The following TTC23 variants were observed in gnomAD, a reference collection of about 807,000 sequenced individuals.
TTC23 encodes tetratricopeptide repeat domain 23, also known as tetratricopeptide repeat protein 23.
In TTC23, 58 loss-of-function variants were observed where a neutral mutation model predicts 55.1. The ratio of observed to expected loss-of-function variants is 1.05; its 90% CI spans 0.85 to 1.31. TTC23 has a LOEUF of 1.31. Among genes scored for constraint, TTC23 ranks in the 50% most tolerant of loss-of-function variants. The pLI, the probability that TTC23 is intolerant of heterozygous loss-of-function variation, is 0.00. For synonymous variants in TTC23, 203 were observed against 199.9 expected, an observed-to-expected ratio of 1.02 and a Z score of -0.13; for missense variants, 516 against 534.4, an observed-to-expected ratio of 0.97 and a Z score of 0.34.
intron 1 of TTC23, among the ~76,000 whole-genome samples, chr15:99,248,884 T>C (rs1222735627): frequency 1.3e-5 from 2 of 152,182 alleles, no homozygotes; most frequent in African/African-American, 4.8e-5. Context: ...CTGCTTCAGG[T>C]ATCTGTAGTA....
intron 5 of TTC23, among the ~76,000 whole-genome samples, chr15:99,225,260 T>C (rs1240218430): frequency 6.6e-6 from 1 of 152,204 alleles, no homozygotes; most frequent in East Asian, 1.9e-4. Context: ...CTATTGGTTT[T>C]CCAACCTTTA....
intron 8 of TTC23, among the ~76,000 whole-genome samples, chr15:99,203,198 A>T (rs1336853660): frequency 6.6e-6 from 1 of 152,214 alleles, no homozygotes; most frequent in African/African-American, 2.4e-5. Flanking sequence ...AAAAAACAGA[A>T]TAATGTATTA....
rs1481372157 is a variant in TTC23 at position 99,242,753 on chromosome 15, T to G, written c.-308-1194A>C. On this transcript the variant is annotated intron_variant, in intron 2 of 13. Transcript: ENST00000394132. Reference sequence around the variant, plus strand: ...CAAACCATCTGATCATCTTGATAGATGCAGAAAACACATTTGGCAAAATCC... The same window carrying G: ...CAAACCATCTGATCATCTTGATAGAGGCAGAAAACACATTTGGCAAAATCC... 2.6e-5 allele frequency among the ~76,000 whole-genome samples: 4 copies of G among 152,338 alleles called. No individual in the cohort carries two copies. In the East Asian group the frequency reaches 7.7e-4, roughly 29 times the overall value.
chr15:99,199,875 A>G, intron 9 of TTC23, 44 bp downstream of exon 9: 1 of 1,542,118 alleles, frequency 6.5e-7, no homozygotes, highest in Non-Finnish European at 8.7e-7. Flanking sequence ...TATGAAAAGC[A>G]TTGGGCCTAG....
Position 99,138,135 on chromosome 15 carries a change from C to T in TTC23, c.1227-8G>A, listed in dbSNP as rs782493207. ...GAAGCAACCTTGGGGGCCCTGCAGA[C>T]AAGCAGAGGGTGGGGTGAGTGTGGT... On this transcript the variant is annotated splice_polypyrimidine_tract_variant and splice_region_variant and intron_variant, in intron 13 of 13. Coordinates refer to ENST00000394132, the MANE Select transcript of TTC23 (RefSeq NM_001288615.3). The T allele has an allele frequency of 2.4e-5, 38 of 1,611,854 alleles. No individual in the cohort carries two copies. The highest frequency in any genetic ancestry group is 8.3e-5 in the Admixed American group (5 of 59,970).
chr15:99,211,650 T>G (rs1341972403), intron 8 of TTC23, among the ~76,000 whole-genome samples: 2 of 152,202 alleles, frequency 1.3e-5, no homozygotes, highest in Non-Finnish European at 2.9e-5. Context: ...TCTTTCTTGC[T>G]TTCTTGCTTC....
intron 2 of TTC23, among the ~76,000 whole-genome samples, chr15:99,243,802 A>G (rs952360509): frequency 2.6e-5 from 4 of 152,224 alleles, no homozygotes; most frequent in Non-Finnish European, 5.9e-5. Context: ...AGAGAGTAGA[A>G]TGATGATTAC....
chr15:99,207,271 T>C (rs1316384621), intron 8 of TTC23, among the ~76,000 whole-genome samples: 1 of 152,162 alleles, frequency 6.6e-6, no homozygotes, highest in Non-Finnish European at 1.5e-5. Flanking sequence ...CTGAAGTACA[T>C]ACAATATATG....
At chr15:99,150,570 T>G (rs1373037872) in intron 12 of TTC23, among the ~76,000 whole-genome samples, 1 of 152,236 alleles carries the variant, frequency 6.6e-6, no homozygotes, top group African/African-American at 2.4e-5. Flanking sequence ...AGCACATTTT[T>G]TGGGGCAATA....
At chr15:99,222,271 A>ATGTGTGTGTGTGTATGAGACAGGG (rs2078006082) in intron 5 of TTC23, among the ~76,000 whole-genome samples, 1 of 151,592 alleles carries the variant, frequency 6.6e-6, no homozygotes, top group Non-Finnish European at 1.5e-5. Flanking sequence ...GTGTGTGTGT[A>ATGTGTGTGTGTGTATGAGACAGGG]TGTGTGTGTG....
intron 9 of TTC23, among the ~76,000 whole-genome samples, chr15:99,195,614 G>C (rs1206667493): frequency 6.6e-6 from 1 of 152,082 alleles, no homozygotes; most frequent in Non-Finnish European, 1.5e-5. Context: ...GGATTTTTAG[G>C]GCAGTGAAGC....
At chr15:99,224,200 T>C (rs918745033) in intron 5 of TTC23, among the ~76,000 whole-genome samples, 2 of 152,224 alleles carry the variant, frequency 1.3e-5, no homozygotes, top group African/African-American at 4.8e-5. Context: ...TGGACTGTCA[T>C]ATTCTTTTCT....
rs777638133 is a variant in TTC23 at position 99,249,310 on chromosome 15, A to T, written c.-570T>A. 1.3e-5 allele frequency: 2 copies of T among 151,874 alleles called. No homozygotes were observed. Among genetic ancestry groups the T allele is most frequent in the Non-Finnish European group, 2.9e-5 (2 of 67,982 alleles). The allele number at this position is 151,874 out of a possible 1,614,324, so 9.4% of individuals were successfully genotyped here. ...TCTGCTTTTCCTTTGACACTCAATC[A>T]CTCCTTTAAAACTTGTAAAAAACCG... On this transcript the variant is annotated 5_prime_UTR_variant, in exon 1 of 14. Transcript: ENST00000394132.
rs1260170706 is a variant in TTC23 at position 99,149,301 on chromosome 15, G to A, written c.1143+6847C>T. On this transcript the variant is annotated intron_variant, in intron 12 of 13. Transcript: ENST00000394132. ...CACAGTGCACAACCTTCAGAAATACGAGTGCCCATCATTTCTCTTGGAGCC... is the reference window on the plus strand; with the variant it reads ...CACAGTGCACAACCTTCAGAAATACAAGTGCCCATCATTTCTCTTGGAGCC... 2.0e-5 allele frequency among the ~76,000 whole-genome samples: 3 copies of A among 152,184 alleles called. No homozygotes were observed. The East Asian group carries it at 5.8e-4, about 29-fold the overall frequency.
At position 99,234,698 on chromosome 15, in the gene TTC23, C is replaced by T. The variant is rs896898500; in HGVS notation, c.-21+290G>A. Among the ~76,000 whole-genome samples, 9 of 152,126 alleles carry T rather than the reference C, an allele frequency of 5.9e-5. No individual in the cohort carries two copies. The South Asian group carries it at 6.2e-4, about 11-fold the overall frequency. ...AAAATGGGCAATTTATTTTAACAGA[C>T]GCTTCATCAAAGAAGATATACCAAG... is the stretch of plus-strand genomic sequence containing the variant. On this transcript the variant is annotated intron_variant, in intron 4 of 13. Transcript: ENST00000394132.
Position 99,139,465 on chromosome 15 carries a change from T to A in TTC23, c.1144-66A>T, listed in dbSNP as rs782788379. 21 of 1,605,922 alleles carry A rather than the reference T, an allele frequency of 1.3e-5. No homozygotes were observed. The South Asian group carries it at 2.3e-4, about 18-fold the overall frequency. ...TCGCTGAGAGCAGGAAACTAAGGTC[T>A]CCCTTGAATGAGAGAAAGATGACCT... is the stretch of plus-strand genomic sequence containing the variant. On this transcript the variant is annotated intron_variant, in intron 12 of 13. Transcript: ENST00000394132.
Position 99,137,564 on chromosome 15 carries a change from T to C in TTC23, c.*446A>G, listed in dbSNP as rs2067690696. The C allele has an allele frequency of 1.3e-5, 2 of 153,554 alleles. No homozygotes were observed. Among genetic ancestry groups the C allele is most frequent in the Admixed American group, 1.3e-4 (2 of 15,472 alleles). 9.5% of individuals were successfully genotyped at this position (153,554 alleles called of 1,614,324 possible). The stretch of plus-strand genomic sequence containing the variant: ...TGTTCAGGTTTCCCTTTATTAGCGT[T>C]TTCTTCTCATGTTATTCTCAATCCC... On this transcript the variant is annotated 3_prime_UTR_variant, in exon 14 of 14. Coordinates refer to ENST00000394132, the MANE Select transcript of TTC23 (RefSeq NM_001288615.3).
At chr15:99,163,822 G>A (rs1484933026) in intron 10 of TTC23, among the ~76,000 whole-genome samples, 3 of 152,158 alleles carry the variant, frequency 2.0e-5, no homozygotes, top group African/African-American at 7.2e-5. Context: ...CAGGAAGCAG[G>A]TCAGGCACCA....
chr15:99,168,739 G>T (rs571632195), intron 10 of TTC23, among the ~76,000 whole-genome samples: 1 of 152,296 alleles, frequency 6.6e-6, no homozygotes, highest in South Asian at 2.1e-4. Context: ...AGGGGTCAAC[G>T]CACAAACTTG....
Sources: allele counts gnomAD v4.1 joint callset (sites outside exome capture counted in the v4.1 genomes callset), GRCh38; gene constraint gnomAD v4.1.1; transcripts MANE v1.5; gene names NCBI Gene and HGNC (gene_info 2026-07-23, HGNC 2026-07-21).